CNBD1: variants seen among roughly 807,000 people sequenced by gnomAD.
CNBD1 encodes cyclic nucleotide binding domain containing 1.
CNBD1 carries 71 observed loss-of-function variants against 54.4 expected under a neutral mutation model. That is an observed-to-expected ratio of 1.30 (90% confidence interval 1.08 to 1.59). CNBD1 has a LOEUF of 1.59. Ranked by LOEUF, CNBD1 falls within the 40% of genes most tolerant of loss-of-function variation. CNBD1 has a pLI of 0.00. For missense variants in CNBD1, 659 were observed against 518.0 expected (o/e 1.27, Z -2.64); for synonymous variants, 182 against 170.7 (o/e 1.07, Z -0.51).
intron 8 of CNBD1, among the ~76,000 whole-genome samples, chr8:87,313,743 G>A (rs896726907): frequency 1.3e-5 from 2 of 151,286 alleles, no homozygotes; most frequent in African/African-American, 2.4e-5. Context: ...ACAATTACTT[G>A]TTCTTAAATA....
At chr8:87,240,809 G>A (rs1807681999) in intron 6 of CNBD1, among the ~76,000 whole-genome samples, 1 of 152,170 alleles carries the variant, frequency 6.6e-6, no homozygotes, top group Middle Eastern at 3.4e-3. Flanking sequence ...CAGTTCCCTG[G>A]AGCTGGTGTT....
intron 4 of CNBD1, among the ~76,000 whole-genome samples, chr8:87,131,136 A>T (rs1478736090): frequency 6.6e-6 from 1 of 151,780 alleles, no homozygotes; most frequent in Non-Finnish European, 1.5e-5. Flanking sequence ...TATTAAAAAA[A>T]ATCTGCATTC....
intron 8 of CNBD1, among the ~76,000 whole-genome samples, chr8:87,301,864 A>G (rs377657634): frequency 3.3e-5 from 5 of 152,214 alleles, no homozygotes; most frequent in East Asian, 3.8e-4. Flanking sequence ...AAACACCTCT[A>G]TGCAAATAAA....
At chr8:87,388,719 GA>G (rs1463514632) in intron 2 of CNBD1, among the ~76,000 whole-genome samples, 6 of 152,246 alleles carry the variant, frequency 3.9e-5, no homozygotes, top group Non-Finnish European at 7.4e-5. Flanking sequence ...CCAATCAATA[GA>G]AAAAGAGGGA....
intron 4 of CNBD1, among the ~76,000 whole-genome samples, chr8:86,948,151 C>T (rs937318038): frequency 6.6e-6 from 1 of 152,028 alleles, no homozygotes; most frequent in African/African-American, 2.4e-5. Context: ...TTTCTTTATC[C>T]ATTCTTCTGT....
chr8:87,252,256 C>A (rs545359484), intron 6 of CNBD1, among the ~76,000 whole-genome samples: 6 of 152,240 alleles, frequency 3.9e-5, no homozygotes, highest in Non-Finnish European at 8.8e-5. Context: ...AAGCAAAGTG[C>A]ACTTTCCCTT....
intron 6 of CNBD1, among the ~76,000 whole-genome samples, chr8:87,274,595 C>T (rs1219581134): frequency 1.8e-4 from 25 of 142,558 alleles, no homozygotes; most frequent in South Asian, 6.8e-4. Flanking sequence ...TCATGTCCTT[C>T]GCCCACTTTT....
At chr8:87,022,709 T>G (rs558006641) in intron 4 of CNBD1, among the ~76,000 whole-genome samples, 1 of 152,246 alleles carries the variant, frequency 6.6e-6, no homozygotes, top group African/African-American at 2.4e-5. Context: ...AATGAAATCA[T>G]CTTTGTTAGA....
intron 10 of CNBD1, among the ~76,000 whole-genome samples, chr8:87,370,449 G>A (rs1165092586): frequency 2.0e-5 from 3 of 152,196 alleles, no homozygotes; most frequent in Middle Eastern, 3.4e-3. Flanking sequence ...TCTCATTGTG[G>A]TTTTGATTTG....
intron 4 of CNBD1, among the ~76,000 whole-genome samples, chr8:86,954,396 T>C (rs1807705486): frequency 6.6e-6 from 1 of 152,246 alleles, no homozygotes; most frequent in Non-Finnish European, 1.5e-5. Flanking sequence ...TTTATTTTAA[T>C]GTTCAATTTA....
chr8:87,202,259 T>A (rs578246844), intron 4 of CNBD1, among the ~76,000 whole-genome samples: 1 of 152,128 alleles, frequency 6.6e-6, no homozygotes, highest in South Asian at 2.1e-4. Context: ...AAGTCCATAA[T>A]AGCAATATTA....
At chr8:86,977,954 C>T (rs775600300) in intron 4 of CNBD1, among the ~76,000 whole-genome samples, 14 of 152,102 alleles carry the variant, frequency 9.2e-5, no homozygotes, top group Non-Finnish European at 1.8e-4. Flanking sequence ...AGGCAAATAT[C>T]CCTGATGAAC....
intron 8 of CNBD1, among the ~76,000 whole-genome samples, chr8:87,319,685 C>A (rs964941393): frequency 5.3e-5 from 8 of 151,810 alleles, no homozygotes; most frequent in African/African-American, 1.9e-4. Context: ...ATGTTTTTAC[C>A]TCAATTTAAG....
At chr8:87,322,132 C>A (rs1164103626) in intron 8 of CNBD1, among the ~76,000 whole-genome samples, 1 of 121,352 alleles carries the variant, frequency 8.2e-6, no homozygotes, top group African/African-American at 3.2e-5. Context: ...AGGACATGAA[C>A]TCATCATTTT....
intron 4 of CNBD1, among the ~76,000 whole-genome samples, chr8:87,069,666 G>A (rs112892942): frequency 3.5e-4 from 53 of 152,186 alleles, no homozygotes; most frequent in African/African-American, 1.1e-3. Flanking sequence ...ATAGTGAACC[G>A]TGAAAACTTG....
chr8:87,422,626 G>A (rs1227154720), intron 2 of CNBD1, among the ~76,000 whole-genome samples: 1 of 152,084 alleles, frequency 6.6e-6, no homozygotes, highest in Non-Finnish European at 1.5e-5. Context: ...TTGTTCCATT[G>A]ATCTATAGCT....
intron 6 of CNBD1, among the ~76,000 whole-genome samples, chr8:87,239,120 G>A (rs904685935): frequency 1.3e-5 from 2 of 152,066 alleles, no homozygotes; most frequent in East Asian, 3.9e-4. Context: ...TCTAAATCCA[G>A]TATTTTTTCT....
At position 87,000,434 on chromosome 8, in the gene CNBD1, C is replaced by T. The variant is rs537095176; in HGVS notation, c.431+60680C>T. Among the ~76,000 whole-genome samples the T allele has an allele frequency of 7.2e-5, 11 of 152,226 alleles. No individual in the cohort carries two copies. In the South Asian group the frequency reaches 2.3e-3, roughly 32 times the overall value. On this transcript the variant is annotated intron_variant, in intron 4 of 10. Coordinates refer to ENST00000518476, the MANE Select transcript of CNBD1 (RefSeq NM_173538.3). ...ATGTTACTTTATAGCAGTGTGAGAACAGACTCTAATACAAGTATGGTCTCT... is the reference window on the plus strand; with the variant it reads ...ATGTTACTTTATAGCAGTGTGAGAATAGACTCTAATACAAGTATGGTCTCT...
At chr8:87,319,166 A>G (rs1055503625) in intron 8 of CNBD1, among the ~76,000 whole-genome samples, 2 of 152,104 alleles carry the variant, frequency 1.3e-5, no homozygotes, top group African/African-American at 2.4e-5. Context: ...ATAATGTAGC[A>G]CTTGATTTCA....
Sources: allele counts gnomAD v4.1 joint callset (sites outside exome capture counted in the v4.1 genomes callset), GRCh38; gene constraint gnomAD v4.1.1; transcripts MANE v1.5; gene names NCBI Gene and HGNC (gene_info 2026-07-23, HGNC 2026-07-21).